ZNF385B: variants seen among roughly 807,000 people sequenced by gnomAD.
ZNF385B encodes the protein zinc finger protein 385B.
A neutral mutation model predicts 39.2 loss-of-function variants in ZNF385B; 23 were observed. That is an observed-to-expected ratio of 0.59 (90% CI 0.42 to 0.83). ZNF385B has a LOEUF of 0.83. Ranked by LOEUF, ZNF385B falls within the 40% of genes least tolerant of loss-of-function variation. The pLI is 0.00. For synonymous variants in ZNF385B, 205 were observed against 222.6 expected (o/e 0.92, Z 0.70); for missense variants, 552 against 598.9 (o/e 0.92, Z 0.82).
At chr2:179,575,487 A>C (rs1685700893) in intron 3 of ZNF385B, among the ~76,000 whole-genome samples, 1 of 152,154 alleles carries the variant, frequency 6.6e-6, no homozygotes, top group Non-Finnish European at 1.5e-5. Context: ...CAGATTGAGA[A>C]GCAGAAGTCG....
At chr2:179,551,430 G>A (rs1237836017) in intron 3 of ZNF385B, among the ~76,000 whole-genome samples, 3 of 148,730 alleles carry the variant, frequency 2.0e-5, no homozygotes, top group Non-Finnish European at 4.4e-5. Flanking sequence ...CCTGAAAAAC[G>A]AAGGTGTGGG....
At chr2:179,464,376 G>C (rs1469162910) in intron 6 of ZNF385B, among the ~76,000 whole-genome samples, 2 of 152,006 alleles carry the variant, frequency 1.3e-5, no homozygotes, top group African/African-American at 4.8e-5. Context: ...GTCAATTTTG[G>C]CTTTTGTTGC....
chr2:179,533,832 T>C (rs1417978298), intron 4 of ZNF385B, among the ~76,000 whole-genome samples: 14 of 152,148 alleles, frequency 9.2e-5, no homozygotes, highest in Non-Finnish European at 4.4e-5. Flanking sequence ...CAACAGTATT[T>C]TAAAAATATA....
At chr2:179,620,272 A>T (rs573440813) in intron 3 of ZNF385B, among the ~76,000 whole-genome samples, 246 of 152,280 alleles carry the variant, frequency 1.6e-3, no homozygotes, top group African/African-American at 5.6e-3. Flanking sequence ...CTCACTTGTA[A>T]CTTGTTGACT....
At chr2:179,543,029 T>C (rs2060017038) in intron 4 of ZNF385B, among the ~76,000 whole-genome samples, 1 of 152,140 alleles carries the variant, frequency 6.6e-6, no homozygotes, top group African/African-American at 2.4e-5. Flanking sequence ...CCCAGCAGTT[T>C]GGGAGGCCGA....
chr2:179,585,619 C>A (rs1387400314), intron 3 of ZNF385B, among the ~76,000 whole-genome samples: 1 of 152,152 alleles, frequency 6.6e-6, no homozygotes, highest in East Asian at 1.9e-4. Context: ...GAAAATCCTT[C>A]CTTGAATTGA....
chr2:179,740,654 C>T (rs987119755), intron 3 of ZNF385B, among the ~76,000 whole-genome samples: 42 of 152,032 alleles, frequency 2.8e-4, no homozygotes, highest in African/African-American at 9.7e-4. Flanking sequence ...CCAAATAGGA[C>T]TGAAGTAAGT....
At chr2:179,710,668 G>T (rs1699934741) in intron 3 of ZNF385B, among the ~76,000 whole-genome samples, 1 of 152,190 alleles carries the variant, frequency 6.6e-6, no homozygotes, top group South Asian at 2.1e-4. Flanking sequence ...AACTTCTTGT[G>T]TCTTGTTAAA....
rs558367658 is a variant in ZNF385B at position 179,615,279 on chromosome 2, G to A, written c.299-70310C>T. Among the ~76,000 whole-genome samples the A allele has an allele frequency of 3.3e-4, 51 of 152,268 alleles. No homozygotes were observed. The South Asian group carries it at 1.0e-2, about 30-fold the overall frequency. ...TGAATCTTAAGGGATTTCCAAAGAC[G>A]ATAAGAAGAGTTTCTACCAGGAACT... On this transcript the variant is annotated intron_variant, in intron 3 of 9. Transcript: ENST00000410066.
intron 3 of ZNF385B, among the ~76,000 whole-genome samples, chr2:179,556,471 T>G (rs1337171241): frequency 6.7e-6 from 1 of 149,808 alleles, no homozygotes; most frequent in Non-Finnish European, 1.5e-5. Context: ...AAATGCTTTC[T>G]CAAGTTTTCT....
chr2:179,713,601 G>A (rs539017647), intron 3 of ZNF385B, among the ~76,000 whole-genome samples: 1 of 152,096 alleles, frequency 6.6e-6, no homozygotes, highest in East Asian at 1.9e-4. Context: ...GATTAATATT[G>A]GCTGCACCCA....
intron 1 of ZNF385B, among the ~76,000 whole-genome samples, chr2:179,843,063 C>T (rs1391000686): frequency 6.6e-6 from 1 of 152,160 alleles, no homozygotes; most frequent in African/African-American, 2.4e-5. Context: ...CCATTGTATC[C>T]ATTAACCTTA....
At chr2:179,831,605 T>C (rs1313963238) in intron 1 of ZNF385B, among the ~76,000 whole-genome samples, 1 of 152,080 alleles carries the variant, frequency 6.6e-6, no homozygotes, top group East Asian at 1.9e-4. Flanking sequence ...AATGAAAATA[T>C]AATCTCTAAT....
chr2:179,711,549 A>G (rs973992660), intron 3 of ZNF385B, among the ~76,000 whole-genome samples: 10 of 152,194 alleles, frequency 6.6e-5, no homozygotes, highest in Non-Finnish European at 1.3e-4. Context: ...TGGTATAAAA[A>G]GAATGTGTGT....
At chr2:179,470,242 G>A (rs12478234) in intron 6 of ZNF385B, among the ~76,000 whole-genome samples, 23,699 of 152,186 alleles carry the variant, frequency 0.16, 2,395 homozygotes, top group East Asian at 0.32. Context: ...CACTTTGAAT[G>A]GATTAAGGAT....
At chr2:179,496,150 A>C (rs1356112193) in intron 5 of ZNF385B, among the ~76,000 whole-genome samples, 3 of 152,188 alleles carry the variant, frequency 2.0e-5, no homozygotes, top group Non-Finnish European at 4.4e-5. Flanking sequence ...AATTAAAAGG[A>C]ATCAAGCAGA....
At chr2:179,508,284 T>C (rs567655648) in intron 5 of ZNF385B, among the ~76,000 whole-genome samples, 325 of 152,326 alleles carry the variant, frequency 2.1e-3, no homozygotes, top group Non-Finnish European at 3.2e-3. Flanking sequence ...ATTCTACCTG[T>C]TGTTAATTGT....
intron 3 of ZNF385B, among the ~76,000 whole-genome samples, chr2:179,587,276 C>T (rs1687164414): frequency 1.3e-5 from 2 of 151,994 alleles, no homozygotes; most frequent in African/African-American, 4.8e-5. Flanking sequence ...ATAAAATAAC[C>T]TATAATAGGT....
intron 4 of ZNF385B, among the ~76,000 whole-genome samples, chr2:179,525,308 T>C (rs893568602): frequency 6.6e-6 from 1 of 152,190 alleles, no homozygotes; most frequent in Non-Finnish European, 1.5e-5. Flanking sequence ...AAAGCGAGTC[T>C]AGGTTTTGTC....
Sources: gnomAD v4.1 joint callset for allele counts (sites outside exome capture counted in the v4.1 genomes callset) on GRCh38, gnomAD v4.1.1 for gene constraint, MANE v1.5 for transcripts, NCBI Gene and HGNC (gene_info 2026-07-23, HGNC 2026-07-21) for gene names.